TEX9: variants seen among roughly 807,000 people sequenced by gnomAD.
The protein encoded by TEX9 is testis expressed 9, also known as testis-expressed protein 9.
In TEX9, 74 loss-of-function variants were observed where a neutral mutation model predicts 59.6. The ratio of observed to expected loss-of-function variants is 1.24; its 90% CI spans 1.03 to 1.51. The LOEUF is 1.51. TEX9 is among the 40% of genes most tolerant of loss of function. TEX9 has a pLI of 0.00. For synonymous variants in TEX9, 186 were observed against 152.2 expected (o/e 1.22, Z -1.64); for missense variants, 522 against 447.8 (o/e 1.17, Z -1.49).
At chr15:56,437,324 T>C (rs1460663345) in intron 12 of TEX9, among the ~76,000 whole-genome samples, 1 of 152,096 alleles carries the variant, frequency 6.6e-6, no homozygotes, top group African/African-American at 2.4e-5. Context: ...CACAAATCAA[T>C]AAATGTAATC....
intron 9 of TEX9, among the ~76,000 whole-genome samples, chr15:56,401,979 G>C (rs1048358478): frequency 5.3e-5 from 8 of 152,166 alleles, no homozygotes; most frequent in Admixed American, 5.2e-4. Flanking sequence ...CACATTTAAA[G>C]CAGTGTGTAG....
chr15:56,374,576 T>C (rs759388692), intron 3 of TEX9: 1 of 152,186 alleles, frequency 6.6e-6, no homozygotes, highest in Non-Finnish European at 1.5e-5. Context: ...TAATTTAAAA[T>C]GTACAATTAA....
chr15:56,418,481 T>C (rs1477867804), intron 10 of TEX9, among the ~76,000 whole-genome samples: 1 of 151,518 alleles, frequency 6.6e-6, no homozygotes, highest in South Asian at 2.1e-4. Context: ...CTTTTTTTTT[T>C]TCTTTAAGAA....
At chr15:56,385,175 A>G (rs1049437192) in intron 4 of TEX9, among the ~76,000 whole-genome samples, 6 of 152,082 alleles carry the variant, frequency 3.9e-5, no homozygotes, top group African/African-American at 1.4e-4. Context: ...ATATGGTTTT[A>G]TTTTTGGACT....
chr15:56,301,898 T>C (rs1406484541), intron 1 of TEX9, among the ~76,000 whole-genome samples: 3 of 152,122 alleles, frequency 2.0e-5, no homozygotes, highest in Non-Finnish European at 2.9e-5. Flanking sequence ...ACACAGCATA[T>C]TGTAACATTG....
intron 1 of TEX9, among the ~76,000 whole-genome samples, chr15:56,266,422 C>T (rs2044383842): frequency 6.6e-6 from 1 of 151,942 alleles, no homozygotes; most frequent in Non-Finnish European, 1.5e-5. Context: ...GTTTGCTACA[C>T]TCACTAACTC....
chr15:56,275,386 C>T (rs1328347827), intron 1 of TEX9, among the ~76,000 whole-genome samples: 1 of 152,192 alleles, frequency 6.6e-6, no homozygotes, highest in Non-Finnish European at 1.5e-5. Context: ...TCATTGGATG[C>T]TTCTTCTGGT....
chr15:56,349,931 C>T (rs1192109745), intron 1 of TEX9, among the ~76,000 whole-genome samples: 2 of 152,046 alleles, frequency 1.3e-5, no homozygotes, highest in Non-Finnish European at 2.9e-5. Flanking sequence ...TAAAGAACAT[C>T]TGTTCATTTG....
intron 10 of TEX9, among the ~76,000 whole-genome samples, chr15:56,417,672 T>G (rs540972953): frequency 6.6e-6 from 1 of 151,942 alleles, no homozygotes; most frequent in Non-Finnish European, 1.5e-5. Flanking sequence ...GTGTTGTTTT[T>G]GGGTGCAGAG....
the TEX9 span, among the ~76,000 whole-genome samples, chr15:56,452,663 C>T: frequency 2.3e-4 from 35 of 151,790 alleles, no homozygotes; most frequent in Admixed American, 3.9e-4. Flanking sequence ...GGACTACAGG[C>T]GTGTGCCACC....
intron 1 of TEX9, among the ~76,000 whole-genome samples, chr15:56,264,953 T>A (rs2249183): frequency 0.91 from 138,074 of 152,230 alleles, 62,643 homozygotes; most frequent in Middle Eastern, 0.95. Context: ...GGTTCCACTG[T>A]TGTTTATGTC....
At chr15:56,345,481 G>A (rs1350586934) in intron 1 of TEX9, among the ~76,000 whole-genome samples, 11 of 152,146 alleles carry the variant, frequency 7.2e-5, no homozygotes, top group Non-Finnish European at 1.3e-4. Context: ...AAGAGATGGG[G>A]TCTTGCTATG....
At chr15:56,378,815 C>A (rs1431761952) in intron 3 of TEX9, among the ~76,000 whole-genome samples, 4 of 151,948 alleles carry the variant, frequency 2.6e-5, no homozygotes. Flanking sequence ...GCTGTAATCC[C>A]AGCACTTTGG....
exon 10 of TEX9, chr15:56,412,324 T>C: frequency 1.9e-6 from 3 of 1,611,508 alleles, no homozygotes; most frequent in Non-Finnish European, 2.5e-6. Flanking sequence ...AAAAGAAGAC[T>C]GCAAAAACAG....
intron 9 of TEX9, among the ~76,000 whole-genome samples, chr15:56,407,517 T>C (rs1567130010): frequency 6.6e-6 from 1 of 152,192 alleles, no homozygotes; most frequent in Non-Finnish European, 1.5e-5. Context: ...GTATTATGTT[T>C]ATTATATTTA....
At chr15:56,274,341 G>T (rs2044619780) in intron 1 of TEX9, among the ~76,000 whole-genome samples, 1 of 152,006 alleles carries the variant, frequency 6.6e-6, no homozygotes, top group Non-Finnish European at 1.5e-5. Flanking sequence ...CCATTTCTCT[G>T]CTGAAATGCT....
chr15:56,321,881 G>C (rs1408695714), intron 1 of TEX9, among the ~76,000 whole-genome samples: 1 of 152,018 alleles, frequency 6.6e-6, no homozygotes, highest in Non-Finnish European at 1.5e-5. Context: ...AAACAATAGA[G>C]ATGGAGAAAA....
chr15:56,450,612 T>C (rs1006913580), downstream of TEX9, among the ~76,000 whole-genome samples: 3 of 152,222 alleles, frequency 2.0e-5, no homozygotes, highest in East Asian at 1.9e-4. Context: ...CTGAAGGATA[T>C]TGTATAATGT....
chr15:56,283,786 A>T (rs1421686137), intron 1 of TEX9, among the ~76,000 whole-genome samples: 1 of 152,184 alleles, frequency 6.6e-6, no homozygotes, highest in African/African-American at 2.4e-5. Context: ...AAATTAAGAG[A>T]CAAACATAAA....
Sources: allele counts gnomAD v4.1 joint callset (sites outside exome capture counted in the v4.1 genomes callset), GRCh38; gene constraint gnomAD v4.1.1; transcripts MANE v1.5; gene names NCBI Gene and HGNC (gene_info 2026-07-23, HGNC 2026-07-21).